The following CFAP418 variants were observed in gnomAD, a reference collection of about 807,000 sequenced individuals.
CFAP418 encodes cilia- and flagella-associated protein 418.
Under a neutral mutation model 24.7 loss-of-function variants are expected in CFAP418, and 27 were observed. That is an observed-to-expected ratio of 1.09 (90% CI 0.81 to 1.51). The LOEUF is 1.51. CFAP418 is among the 40% of genes most tolerant of loss of function. The pLI, the probability that CFAP418 is intolerant of heterozygous loss-of-function variation, is 0.00. For synonymous variants in CFAP418, 74 were observed against 87.3 expected (o/e 0.85, Z 0.85); for missense variants, 257 against 255.2 (o/e 1.01, Z -0.05).
chr8:95,251,738 C>G (rs1371726263), intron 5 of CFAP418, among the ~76,000 whole-genome samples: 1 of 152,246 alleles, frequency 6.6e-6, no homozygotes, highest in East Asian at 1.9e-4. Context: ...GACAGAAACA[C>G]AGTCATGCAT....
chr8:95,258,073 A>C (rs1207951435), intron 4 of CFAP418, among the ~76,000 whole-genome samples: 1 of 152,142 alleles, frequency 6.6e-6, no homozygotes, highest in Non-Finnish European at 1.5e-5. Context: ...TTCATTTTTA[A>C]CAAAAAAGTT....
chr8:95,263,593 A>T, intron 2 of CFAP418, 94 bp downstream of exon 2: 2 of 704,092 alleles, frequency 2.8e-6, no homozygotes, highest in Non-Finnish European at 4.9e-6. Flanking sequence ...AATTCAAAAG[A>T]TAATGGGTAG....
intron 1 of CFAP418, among the ~76,000 whole-genome samples, chr8:95,266,361 T>C (rs1416584444): frequency 6.6e-6 from 1 of 152,232 alleles, no homozygotes; most frequent in Non-Finnish European, 1.5e-5. Context: ...CACATATTTC[T>C]TTTTATCATT....
Position 95,264,886 on chromosome 8 carries a change from A to G in CFAP418, c.156-1112T>C, listed in dbSNP as rs532669640. 2.0e-5 allele frequency among the ~76,000 whole-genome samples: 3 copies of G among 152,250 alleles called. No homozygotes were observed. In the East Asian group the frequency reaches 5.8e-4, roughly 29 times the overall value. ...TTACCCTTAATGTCTTTCACTGTAT[A>G]CTGGTTTCTTCCTTTGACTTAGAGG... On this transcript the variant is annotated intron_variant, in intron 1 of 5. Coordinates refer to ENST00000286688, the MANE Select transcript of CFAP418 (RefSeq NM_177965.4).
intron 5 of CFAP418, among the ~76,000 whole-genome samples, chr8:95,249,088 T>C (rs1811670469): frequency 1.3e-5 from 2 of 152,182 alleles, no homozygotes; most frequent in Admixed American, 1.3e-4. Flanking sequence ...CAAAACTAAG[T>C]TGTTGAGGAA....
chr8:95,262,912 A>C (rs7815085), intron 2 of CFAP418, among the ~76,000 whole-genome samples: 3,478 of 152,304 alleles, frequency 0.023, 64 homozygotes, highest in African/African-American at 0.024. Flanking sequence ...ACTGAGCACA[A>C]TCTAAATGTC....
intron 4 of CFAP418, 87 bp from the exon 5 acceptor site, chr8:95,252,370 C>T: frequency 1.3e-6 from 1 of 767,294 alleles, no homozygotes; most frequent in Non-Finnish European, 2.2e-6. Flanking sequence ...ATAGGATACA[C>T]CACATATTAC....
intron 4 of CFAP418, among the ~76,000 whole-genome samples, chr8:95,253,323 C>T (rs892803455): frequency 2.0e-5 from 3 of 151,864 alleles, no homozygotes; most frequent in African/African-American, 7.3e-5. Flanking sequence ...AAAAAAAGAA[C>T]ATGGAGCAAA....
intron 2 of CFAP418, among the ~76,000 whole-genome samples, chr8:95,260,809 T>G (rs1192075755): frequency 6.6e-6 from 1 of 152,206 alleles, no homozygotes; most frequent in East Asian, 1.9e-4. Context: ...AGAGTCACTT[T>G]ATAACTCTTC....
rs1587345911 is a variant in CFAP418, at chr8:95,245,089, T to A, written c.*2528A>T. On this transcript the variant is annotated 3_prime_UTR_variant, in exon 6 of 6. Coordinates refer to ENST00000286688, the MANE Select transcript of CFAP418 (RefSeq NM_177965.4). Reference sequence around the variant, plus strand: ...ACTTGCTAAAGATAGAAAATTATTATAAATCTTAAAAACAAACAGGCAAAA... The same window carrying A: ...ACTTGCTAAAGATAGAAAATTATTAAAAATCTTAAAAACAAACAGGCAAAA... 6.6e-6 allele frequency: 1 copy of A among 152,160 alleles called. No individual in the cohort carries two copies. The highest frequency in any genetic ancestry group is 2.1e-4 in the South Asian group (1 of 4,836). 9.4% of individuals were successfully genotyped at this position (152,160 alleles called of 1,614,324 possible).
chr8:95,252,440 A>T (rs1192929549), intron 4 of CFAP418, among the ~76,000 whole-genome samples, 157 bp from the exon 5 acceptor site: 1 of 152,248 alleles, frequency 6.6e-6, no homozygotes, highest in Admixed American at 6.5e-5. Context: ...CTTTATACTA[A>T]AGCATTATTT....
At chr8:95,260,572 T>C (rs1036760773) in intron 2 of CFAP418, 40 bp from the exon 3 acceptor site, 5 of 1,216,426 alleles carry the variant, frequency 4.1e-6, no homozygotes, top group South Asian at 1.4e-5. Context: ...ATGAGTAACT[T>C]AGAAAACTGT....
intron 1 of CFAP418, 103 bp from the exon 2 acceptor site, chr8:95,263,877 T>C (rs1811933239): frequency 1.6e-6 from 1 of 643,880 alleles, no homozygotes; most frequent in Admixed American, 2.7e-5. Flanking sequence ...GAGCTGATAA[T>C]AGAAAGATAA....
At chr8:95,268,771 G>GGGGCGGGGCA (rs1554559643) in intron 1 of CFAP418, 1 of 233,964 alleles carries the variant, frequency 4.3e-6, no homozygotes, top group Non-Finnish European at 8.1e-6. Context: ...GGGGCGGGGC[G>GGGGCGGGGCA]GGGCGGGGCG....
chr8:95,267,391 G>C (rs1812006327), intron 1 of CFAP418, among the ~76,000 whole-genome samples: 1 of 152,156 alleles, frequency 6.6e-6, no homozygotes. Context: ...CACGAGGTCA[G>C]GAGATCGAGA....
At chr8:95,265,159 G>C (rs1000566622) in intron 1 of CFAP418, among the ~76,000 whole-genome samples, 2 of 151,966 alleles carry the variant, frequency 1.3e-5, no homozygotes, top group African/African-American at 4.8e-5. Flanking sequence ...GTTGTATATT[G>C]CAGGACATTT....
rs1224329772 is a variant in CFAP418 at position 95,263,678 on chromosome 8, T to C, written c.243+9A>G. 3 of 1,544,154 alleles carry C rather than the reference T, an allele frequency of 1.9e-6. No individual in the cohort carries two copies. The highest frequency in any genetic ancestry group is 1.7e-4 in the Middle Eastern group (1 of 5,870). On this transcript the variant is annotated intron_variant, in intron 2 of 5. Transcript: ENST00000286688. ...CAGAATTACTACATATTTATAACAC[T>C]TGACTTACAGAGGGTTTTTTGTCCA...
At chr8:95,258,352 A>C (rs1247567240) in intron 4 of CFAP418, among the ~76,000 whole-genome samples, 1 of 145,010 alleles carries the variant, frequency 6.9e-6, no homozygotes, top group African/African-American at 2.5e-5. Flanking sequence ...ACTGCACTCC[A>C]GCCTGGGCGA....
chr8:95,261,385 T>C (rs1165616806), intron 2 of CFAP418, among the ~76,000 whole-genome samples: 1 of 152,154 alleles, frequency 6.6e-6, no homozygotes, highest in Non-Finnish European at 1.5e-5. Context: ...TTGGGGAGCA[T>C]GTTTCATGTG....
Sources: gnomAD v4.1 joint callset for allele counts (sites outside exome capture counted in the v4.1 genomes callset) on GRCh38, gnomAD v4.1.1 for gene constraint, MANE v1.5 for transcripts, NCBI Gene and HGNC (gene_info 2026-07-23, HGNC 2026-07-21) for gene names.